BEAN1: variants seen among roughly 807,000 people sequenced by gnomAD.
BEAN1 encodes protein BEAN1.
Under a neutral mutation model 17.7 loss-of-function variants are expected in BEAN1, and 17 were observed. The observed-to-expected ratio is 0.96, with a 90% CI of 0.66 to 1.44. The LOEUF is 1.44. BEAN1 is among the 40% of genes most tolerant of loss of function. BEAN1 has a pLI of 0.00. For missense variants in BEAN1, 359 were observed against 374.1 expected (o/e 0.96, Z 0.33); for synonymous variants, 142 against 151.8 (o/e 0.94, Z 0.47).
At chr16:66,483,346 T>G (rs1409167677), downstream of BEAN1, 1 of 159,212 alleles carries the variant, frequency 6.3e-6, no homozygotes, top group Non-Finnish European at 1.4e-5. Context: ...ATCATTTCTC[T>G]GAGACATGGC....
At chr16:66,486,998 T>G (rs1042157482), downstream of BEAN1, among the ~76,000 whole-genome samples, 5 of 152,148 alleles carry the variant, frequency 3.3e-5, no homozygotes, top group Non-Finnish European at 7.4e-5. Flanking sequence ...TGCCAGCTCT[T>G]TCTCATGGTT....
intron 2 of BEAN1, among the ~76,000 whole-genome samples, chr16:66,438,608 A>G (rs1449639707): frequency 6.6e-6 from 1 of 152,108 alleles, no homozygotes; most frequent in Non-Finnish European, 1.5e-5. Context: ...GCCCGTCGGC[A>G]GTCTTCTCAT....
At chr16:66,464,103 C>T (rs977706255) in intron 2 of BEAN1, among the ~76,000 whole-genome samples, 17 of 152,258 alleles carry the variant, frequency 1.1e-4, no homozygotes, top group Admixed American at 8.5e-4. Flanking sequence ...ATTTTAGCTA[C>T]GTTTGGTCCT....
At chr16:66,429,744 C>G (rs191438680) in intron 1 of BEAN1, among the ~76,000 whole-genome samples, 1 of 152,178 alleles carries the variant, frequency 6.6e-6, no homozygotes, top group African/African-American at 2.4e-5. Flanking sequence ...GGGGTCACGT[C>G]GCTGTGTCTT....
intron 1 of BEAN1, among the ~76,000 whole-genome samples, chr16:66,430,669 G>A (rs1016306513): frequency 3.3e-5 from 5 of 152,184 alleles, no homozygotes; most frequent in African/African-American, 1.2e-4. Flanking sequence ...TGATTTAAAA[G>A]AGCAGTTCCC....
At chr16:66,428,495 G>A (rs1690819359) in intron 1 of BEAN1, 1 of 152,466 alleles carries the variant, frequency 6.6e-6, no homozygotes, top group Admixed American at 6.5e-5. Flanking sequence ...TTCCTCATCT[G>A]AAAGTAAGCA....
chr16:66,444,303 C>T (rs1439005774), intron 2 of BEAN1, among the ~76,000 whole-genome samples: 3 of 152,204 alleles, frequency 2.0e-5, no homozygotes, highest in African/African-American at 7.2e-5. Flanking sequence ...ATAGAGAGGT[C>T]TCAAGCCCCT....
At chr16:66,472,431 C>A (rs969964341) in intron 3 of BEAN1, among the ~76,000 whole-genome samples, 1 of 152,228 alleles carries the variant, frequency 6.6e-6, no homozygotes, top group Non-Finnish European at 1.5e-5. Context: ...TAGTCAGGTG[C>A]GGTGGCTCAT....
intron 1 of BEAN1, among the ~76,000 whole-genome samples, chr16:66,436,327 G>A (rs1185636636): frequency 6.7e-6 from 1 of 148,384 alleles, no homozygotes; most frequent in Non-Finnish European, 1.5e-5. Flanking sequence ...GAGTGCAGTG[G>A]CATGATCTCG....
chr16:66,459,875 A>C (rs1410821506), intron 2 of BEAN1, among the ~76,000 whole-genome samples: 1 of 151,660 alleles, frequency 6.6e-6, no homozygotes, highest in Admixed American at 6.6e-5. Flanking sequence ...GAAAGCACCT[A>C]CTCTGTTCCG....
chr16:66,481,051 T>TTTAATG lies in BEAN1; in HGVS notation c.*126_*127insTTAATG. ...ATAACACACACATAGACCAAACTTG[T>TTTAATG]ATACACACAGACATCTACACTGACA... On this transcript the variant is annotated 3_prime_UTR_variant, in exon 5 of 5. Coordinates refer to ENST00000536005, the MANE Select transcript of BEAN1 (RefSeq NM_001178020.3). This position sits in a 1 kb window ranked among gnomAD's most constrained non-coding sequence, Gnocchi z 4.1. 2.9e-6 allele frequency: 2 copies of TTTAATG among 691,066 alleles called. No homozygotes were observed. The highest frequency in any genetic ancestry group is 3.7e-5 in the Admixed American group (1 of 26,990). The allele number at this position is 691,066 out of a possible 1,614,324, so 42.8% of individuals were successfully genotyped here. A position where few individuals can be genotyped will look rare whatever the true frequency, so the allele number is the denominator to read the frequency against.
intron 2 of BEAN1, among the ~76,000 whole-genome samples, chr16:66,458,262 G>A (rs978414059): frequency 2.0e-5 from 3 of 152,178 alleles, no homozygotes; most frequent in African/African-American, 7.2e-5. Context: ...CAGAATGACT[G>A]TGGAGCTGCC....
chr16:66,477,809 C>A, intron 4 of BEAN1, 99 bp downstream of exon 4: 1 of 1,299,486 alleles, frequency 7.7e-7, no homozygotes, highest in South Asian at 1.6e-5. Context: ...CTCTGCATGT[C>A]GTATAAATGC....
chr16:66,481,157 A>C lies in BEAN1; in HGVS notation c.*232A>C. ...ACATACAGGCCTACCACAAACACAA[A>C]ACCCACCTGCAAAGGTTTCACGGAA... is the stretch of plus-strand genomic sequence containing the variant. On this transcript the variant is annotated 3_prime_UTR_variant, in exon 5 of 5. Coordinates refer to ENST00000536005, the MANE Select transcript of BEAN1 (RefSeq NM_001178020.3). The surrounding 1 kb of genome is among the most constrained non-coding windows in gnomAD (Gnocchi z 4.1). 2.4e-6 allele frequency: 1 copy of C among 419,660 alleles called. No individual in the cohort carries two copies. Among genetic ancestry groups the C allele is most frequent in the South Asian group, 8.7e-5 (1 of 11,482 alleles). 26.0% of individuals were successfully genotyped at this position (419,660 alleles called of 1,614,324 possible). A position where few individuals can be genotyped will look rare whatever the true frequency, so the allele number is the denominator to read the frequency against.
downstream of BEAN1, among the ~76,000 whole-genome samples, chr16:66,494,523 G>C (rs1346759308): frequency 6.6e-6 from 1 of 152,156 alleles, no homozygotes; most frequent in Non-Finnish European, 1.5e-5. Context: ...TCATGTCCCA[G>C]TTCAGTTGTG....
intron 2 of BEAN1, among the ~76,000 whole-genome samples, chr16:66,442,735 C>G (rs2142386602): frequency 6.6e-6 from 1 of 152,296 alleles, no homozygotes; most frequent in East Asian, 1.9e-4. Context: ...TGGTTTGGTG[C>G]TCGAAATTGA....
rs987737021 is a variant in BEAN1 at position 66,481,888 on chromosome 16, C to A, written c.*963C>A. The A allele has an allele frequency of 3.3e-5, 5 of 152,502 alleles. No homozygotes were observed. The highest frequency in any genetic ancestry group is 3.3e-4 in the Admixed American group (5 of 15,288). The allele number at this position is 152,502 out of a possible 1,614,324, so 9.4% of individuals were successfully genotyped here. On this transcript the variant is annotated 3_prime_UTR_variant, in exon 5 of 5. Coordinates refer to ENST00000536005, the MANE Select transcript of BEAN1 (RefSeq NM_001178020.3). This position sits in a 1 kb window ranked among gnomAD's most constrained non-coding sequence, Gnocchi z 4.1. Reference sequence around the variant, plus strand: ...ACGCGAATGGGTCAGAGCCAGACCCCGGAGCTGGTGCTGTCCTTCTAGGTG... The same window carrying A: ...ACGCGAATGGGTCAGAGCCAGACCCAGGAGCTGGTGCTGTCCTTCTAGGTG...
intron 2 of BEAN1, among the ~76,000 whole-genome samples, chr16:66,442,601 T>A (rs1962299640): frequency 6.6e-6 from 1 of 152,150 alleles, no homozygotes; most frequent in South Asian, 2.1e-4. Context: ...AGAGATGGTA[T>A]GATATACAGT....
At chr16:66,446,229 G>A (rs922205885) in intron 2 of BEAN1, among the ~76,000 whole-genome samples, 1 of 152,072 alleles carries the variant, frequency 6.6e-6, no homozygotes, top group Admixed American at 6.6e-5. Flanking sequence ...TCTAGGTGAT[G>A]ACAATGGTAC....
Sources: gnomAD v4.1 joint callset for allele counts (sites outside exome capture counted in the v4.1 genomes callset) on GRCh38, gnomAD v4.1.1 for gene constraint, Gnocchi (gnomAD v3.1) non-coding constraint, MANE v1.5 for transcripts, NCBI Gene and HGNC (gene_info 2026-07-23, HGNC 2026-07-21) for gene names.